DTNA: variants seen among roughly 807,000 people sequenced by gnomAD.
The protein encoded by DTNA is dystrobrevin alpha.
DTNA carries 43 observed loss-of-function variants against 100.7 expected under a neutral mutation model. That is an observed-to-expected ratio of 0.43 (90% CI 0.33 to 0.55). The LOEUF is 0.55. Ranked by LOEUF, DTNA falls within the 20% of genes least tolerant of loss-of-function variation. DTNA has a pLI of 0.04. For synonymous variants in DTNA, 349 were observed against 347.9 expected (o/e 1.00, Z -0.04); for missense variants, 798 against 953.9 (o/e 0.84, Z 2.15).
intron 4 of DTNA, among the ~76,000 whole-genome samples, chr18:34,797,436 C>T (rs1007437955): frequency 5.3e-5 from 8 of 152,062 alleles, no homozygotes; most frequent in Admixed American, 4.6e-4. Flanking sequence ...CCCTTTCCTC[C>T]GATCACCCCA....
intron 1 of DTNA, among the ~76,000 whole-genome samples, chr18:34,552,956 G>A (rs1453164213): frequency 6.7e-6 from 1 of 148,878 alleles, no homozygotes; most frequent in Non-Finnish European, 1.5e-5. Context: ...TCGCCACACT[G>A]ACTTCCACAA....
rs749408836 is a variant in DTNA, at chr18:34,812,104, C to T, written c.594C>T (p.Phe198=). 4 of 1,614,058 alleles carry T rather than the reference C, an allele frequency of 2.5e-6. No individual in the cohort carries two copies. The highest frequency in any genetic ancestry group is 1.1e-5 in the South Asian group (1 of 91,086). ...GYTEQSARSC[F]SQQKKVTLNG... is the part of the protein sequence containing the mutation. The stretch of plus-strand genomic sequence containing the variant: ...CAGAACAGTCAGCCAGATCCTGTTT[C>T]TCCCAACAGGTAGGAGAAAAATATG... The change falls in exon 6 of 23, where the codon TTC becomes TTT. Residue 198 remains phenylalanine, a synonymous_variant. Coordinates refer to ENST00000444659, the MANE Select transcript of DTNA (RefSeq NM_001386795.1).
At chr18:34,701,414 G>A (rs913692714) in intron 1 of DTNA, among the ~76,000 whole-genome samples, 2 of 151,978 alleles carry the variant, frequency 1.3e-5, no homozygotes, top group Admixed American at 6.6e-5. Flanking sequence ...CAAGTCCATA[G>A]AAGCACGCTC....
At chr18:34,793,185 G>A (rs553241284) in intron 3 of DTNA, among the ~76,000 whole-genome samples, 1 of 152,368 alleles carries the variant, frequency 6.6e-6, no homozygotes, top group East Asian at 1.9e-4. Flanking sequence ...GCCTGGAACA[G>A]GGAATGAGGA....
At chr18:34,797,213 T>G (rs989754261) in intron 4 of DTNA, among the ~76,000 whole-genome samples, 4 of 152,196 alleles carry the variant, frequency 2.6e-5, no homozygotes, top group African/African-American at 9.7e-5. Context: ...ATGGCTGTAT[T>G]CCTGGGAGGG....
chr18:34,853,082 G>A (rs1046977499), intron 15 of DTNA, among the ~76,000 whole-genome samples: 2 of 152,186 alleles, frequency 1.3e-5, no homozygotes, highest in Middle Eastern at 3.2e-3. Flanking sequence ...GTGAGAAAAC[G>A]ATGAATAGCT....
chr18:34,720,325 A>T (rs933247531), intron 1 of DTNA, among the ~76,000 whole-genome samples: 2 of 152,222 alleles, frequency 1.3e-5, no homozygotes, highest in African/African-American at 4.8e-5. Flanking sequence ...CTGAAATCTA[A>T]CTGAAATAAG....
chr18:34,605,650 CA>C (rs1291479575), intron 1 of DTNA, among the ~76,000 whole-genome samples: 1 of 151,830 alleles, frequency 6.6e-6, no homozygotes, highest in Non-Finnish European at 1.5e-5. Flanking sequence ...CACACACACA[CA>C]CACACACACA....
chr18:34,672,886 G>A (rs2076943057), intron 1 of DTNA, among the ~76,000 whole-genome samples: 1 of 151,986 alleles, frequency 6.6e-6, no homozygotes, highest in African/African-American at 2.4e-5. Flanking sequence ...TTTCCTGTGG[G>A]GTGGAATGTG....
intron 21 of DTNA, among the ~76,000 whole-genome samples, 192 bp from the exon 22 acceptor site, chr18:34,884,536 T>C (rs1378150327): frequency 6.6e-6 from 1 of 152,002 alleles, no homozygotes; most frequent in Non-Finnish European, 1.5e-5. Flanking sequence ...CTGGAGGAGA[T>C]GTCAAAGTGG....
Position 34,889,451 on chromosome 18 carries a change from C to T in DTNA, c.*1717C>T. On this transcript the variant is annotated 3_prime_UTR_variant, in exon 23 of 23. Transcript: ENST00000444659. ...AGAATGAAGTCGTATAATAAAGTCT[C>T]TGAAAAGGCCTTATTCAGAATAAGC... 7 of 985,356 alleles carry T rather than the reference C, an allele frequency of 7.1e-6. No individual in the cohort carries two copies. Among genetic ancestry groups the T allele is most frequent in the Non-Finnish European group, 8.4e-6 (7 of 829,918 alleles). 61.0% of individuals were successfully genotyped at this position (985,356 alleles called of 1,614,324 possible).
chr18:34,833,438 G>C (rs1454528533), intron 11 of DTNA, among the ~76,000 whole-genome samples: 1 of 151,474 alleles, frequency 6.6e-6, no homozygotes, highest in Non-Finnish European at 1.5e-5. Flanking sequence ...GTGTGTGTGA[G>C]AAAAATTTTG....
At chr18:34,886,448 G>T (rs1212067429) in intron 22 of DTNA, among the ~76,000 whole-genome samples, 1 of 152,170 alleles carries the variant, frequency 6.6e-6, no homozygotes, top group African/African-American at 2.4e-5. Flanking sequence ...CAAGGGGCAG[G>T]CCTTTTCCTT....
At chr18:34,656,289 A>G (rs1568135641) in intron 1 of DTNA, among the ~76,000 whole-genome samples, 1 of 152,244 alleles carries the variant, frequency 6.6e-6, no homozygotes, top group East Asian at 1.9e-4. Context: ...AGGTGAAGTA[A>G]GCCACTCATG....
chr18:34,559,287 C>G (rs1316292458), intron 1 of DTNA, among the ~76,000 whole-genome samples: 1 of 152,160 alleles, frequency 6.6e-6, no homozygotes, highest in Admixed American at 6.5e-5. Flanking sequence ...TGTTTAATTG[C>G]TTTCTTACAT....
chr18:34,559,375 T>C (rs754487359), intron 1 of DTNA, among the ~76,000 whole-genome samples: 3 of 152,234 alleles, frequency 2.0e-5, no homozygotes, highest in Non-Finnish European at 4.4e-5. Context: ...AATTAAAGTA[T>C]TCCAAAAATA....
At chr18:34,759,644 G>A (rs1241777832) in intron 2 of DTNA, among the ~76,000 whole-genome samples, 1 of 152,158 alleles carries the variant, frequency 6.6e-6, no homozygotes, top group East Asian at 1.9e-4. Flanking sequence ...TCAAAAGGAG[G>A]CAAATGAAAC....
At chr18:34,627,087 G>A (rs1599258252) in intron 1 of DTNA, among the ~76,000 whole-genome samples, 2 of 150,058 alleles carry the variant, frequency 1.3e-5, no homozygotes, top group East Asian at 3.9e-4. Flanking sequence ...ACCACTAGAA[G>A]AAAAGAAAAT....
rs1429236669 is a variant in DTNA, at chr18:34,891,411, G to GA, written c.*3677_*3678insA. The GA allele has an allele frequency of 6.6e-6, 1 of 152,348 alleles. No homozygotes were observed. The highest frequency in any genetic ancestry group is 2.4e-5 in the African/African-American group (1 of 41,360). 9.4% of individuals were successfully genotyped at this position (152,348 alleles called of 1,614,324 possible). On this transcript the variant is annotated 3_prime_UTR_variant, in exon 23 of 23. Coordinates refer to ENST00000444659, the MANE Select transcript of DTNA (RefSeq NM_001386795.1). ...TGTTTTTAAAAACACTATATCTTGGGTGGTTTATTCCTTTGTTTCAGTGAA... is the reference window on the plus strand; with the variant it reads ...TGTTTTTAAAAACACTATATCTTGGGATGGTTTATTCCTTTGTTTCAGTGAA...
Sources: gnomAD v4.1 joint callset for allele counts (sites outside exome capture counted in the v4.1 genomes callset) on GRCh38, gnomAD v4.1.1 for gene constraint, MANE v1.5 for transcripts, NCBI Gene and HGNC (gene_info 2026-07-23, HGNC 2026-07-21) for gene names.